ASPH: variants seen among roughly 807,000 people sequenced by gnomAD.
ASPH encodes aspartyl/asparaginyl beta-hydroxylase.
Under a neutral mutation model 118.4 loss-of-function variants are expected in ASPH, and 100 were observed. The ratio of observed to expected loss-of-function variants is 0.84; its 90% CI spans 0.72 to 1.00. The LOEUF (loss-of-function observed/expected upper bound fraction) is 1.00, where lower values mean the gene tolerates loss of function less well. Among genes scored for constraint, ASPH ranks in the 50% least tolerant of loss-of-function variants. The probability of loss-of-function intolerance (pLI) is 0.00; values close to 1 mark genes in which losing one functional copy is unlikely to be tolerated. For synonymous variants in ASPH, 315 were observed against 325.6 expected (o/e 0.97, Z 0.35); for missense variants, 920 against 919.5 (o/e 1.00, Z -0.01).
intron 16 of ASPH, among the ~76,000 whole-genome samples, chr8:61,569,332 G>T (rs932731486): frequency 6.6e-6 from 1 of 152,184 alleles, no homozygotes; most frequent in Non-Finnish European, 1.5e-5. Context: ...GAGGAAAAAT[G>T]ATTCTGGCTA....
intron 14 of ASPH, among the ~76,000 whole-genome samples, chr8:61,608,681 G>C (rs1846335703): frequency 6.6e-6 from 1 of 152,166 alleles, no homozygotes; most frequent in Non-Finnish European, 1.5e-5. Flanking sequence ...ACACAGACCA[G>C]ACTGACTAGG....
At chr8:61,555,593 T>G (rs1350370983) in intron 19 of ASPH, among the ~76,000 whole-genome samples, 1 of 152,184 alleles carries the variant, frequency 6.6e-6, no homozygotes, top group Non-Finnish European at 1.5e-5. Flanking sequence ...ACACCCGGCC[T>G]ATTGTCTTTA....
intron 15 of ASPH, among the ~76,000 whole-genome samples, chr8:61,581,155 G>A (rs558513816): frequency 1.3e-5 from 2 of 152,334 alleles, no homozygotes; most frequent in Middle Eastern, 3.4e-3. Flanking sequence ...GCAAGACAGA[G>A]GCTCTGTGAC....
At position 61,641,816 on chromosome 8, in the gene ASPH, C is replaced by T. The variant is rs554720342; in HGVS notation, c.790+1072G>A. Among the ~76,000 whole-genome samples the T allele has an allele frequency of 4.6e-5, 7 of 152,280 alleles. No homozygotes were observed. In the East Asian group the frequency reaches 1.3e-3, roughly 29 times the overall value. ...AACCATCTAGAACATAGAAAGTCCT[C>T]CATATCCACCAACTCAATTACGATG... On this transcript the variant is annotated intron_variant, in intron 10 of 24. Coordinates refer to ENST00000379454, the MANE Select transcript of ASPH (RefSeq NM_004318.4).
chr8:61,713,487 G>A (rs1451883585), intron 1 of ASPH, among the ~76,000 whole-genome samples: 1 of 152,164 alleles, frequency 6.6e-6, no homozygotes, highest in African/African-American at 2.4e-5. Flanking sequence ...CCATACACAT[G>A]TGTATTGCAG....
At chr8:61,659,590 T>C (rs180871992) in intron 3 of ASPH, 3 of 152,330 alleles carry the variant, frequency 2.0e-5, no homozygotes, top group East Asian at 1.9e-4. Context: ...CTTGCAGAAA[T>C]TGATTCCTAG....
intron 16 of ASPH, among the ~76,000 whole-genome samples, chr8:61,574,369 A>G (rs1459765770): frequency 6.6e-6 from 1 of 152,252 alleles, no homozygotes; most frequent in Non-Finnish European, 1.5e-5. Context: ...AAGGATTATA[A>G]ATCATTCTAC....
intron 14 of ASPH, among the ~76,000 whole-genome samples, chr8:61,616,780 C>A (rs1232604855): frequency 1.3e-5 from 2 of 152,206 alleles, no homozygotes; most frequent in African/African-American, 4.8e-5. Flanking sequence ...ACCCCTTCTG[C>A]CTACGGCATG....
At position 61,622,846 on chromosome 8, in the gene ASPH, CAG is replaced by C. The variant is rs544777196; in HGVS notation, c.935-3829_935-3828del. Among the ~76,000 whole-genome samples the C allele has an allele frequency of 3.9e-5, 6 of 152,306 alleles. No homozygotes were observed. The South Asian group carries it at 1.2e-3, about 32-fold the overall frequency. Reference sequence around the variant, plus strand: ...AACTCAGCTCCCTGACATGTGCACACAGTACTCCGCAGAGTGGGTGCATTCAA... The same window carrying C: ...AACTCAGCTCCCTGACATGTGCACACTACTCCGCAGAGTGGGTGCATTCAA... On this transcript the variant is annotated intron_variant, in intron 13 of 24. Coordinates refer to ENST00000379454, the MANE Select transcript of ASPH (RefSeq NM_004318.4).
In ASPH at chr8:61,555,896, A is replaced by G. The variant is rs774312957; in HGVS notation, c.1536+28T>C. 2.5e-6 allele frequency: 4 copies of G among 1,591,858 alleles called. No individual in the cohort carries two copies. In the East Asian group the frequency reaches 8.9e-5, roughly 36 times the overall value. On this transcript the variant is annotated intron_variant, in intron 19 of 24. Transcript: ENST00000379454. Reference sequence around the variant, plus strand: ...AATAACTCGAAGGACTTGAAAGATGAAAGGAGAGGAGAAGCAGTGAGCATT... The same window carrying G: ...AATAACTCGAAGGACTTGAAAGATGGAAGGAGAGGAGAAGCAGTGAGCATT...
At chr8:61,512,939 G>A (rs1332385563) in intron 24 of ASPH, among the ~76,000 whole-genome samples, 1 of 152,146 alleles carries the variant, frequency 6.6e-6, no homozygotes, top group African/African-American at 2.4e-5. Flanking sequence ...TGTGAGGGAC[G>A]TGTATCAGTT....
In ASPH at chr8:61,664,060, C is replaced by A. The variant is rs1049909403; in HGVS notation, c.323-10400G>T. ...TTAATAAGGTTAACATTAAGAGAATCAAAAATGCTACCACAGAGATTTTAT... is the reference window on the plus strand; with the variant it reads ...TTAATAAGGTTAACATTAAGAGAATAAAAAATGCTACCACAGAGATTTTAT... On this transcript the variant is annotated intron_variant, in intron 3 of 24. Transcript: ENST00000379454. 3 of 969,908 alleles carry A rather than the reference C, an allele frequency of 3.1e-6. No individual in the cohort carries two copies. In the African/African-American group the frequency reaches 5.3e-5, roughly 17 times the overall value. The allele number at this position is 969,908 out of a possible 1,614,324, so 60.1% of individuals were successfully genotyped here.
At chr8:61,653,746 TTTAA>T in intron 3 of ASPH, 86 bp from the exon 4 acceptor site, 1 of 1,331,974 alleles carries the variant, frequency 7.5e-7, no homozygotes, top group South Asian at 1.4e-5. Context: ...TTTTCAAACA[TTTAA>T]TTAATAGTGC....
chr8:61,608,917 G>A (rs1416016441), intron 14 of ASPH, among the ~76,000 whole-genome samples: 2 of 152,210 alleles, frequency 1.3e-5, no homozygotes, highest in African/African-American at 2.4e-5. Context: ...AGCTGGGTTA[G>A]ACGAGCAGGC....
chr8:61,525,356 G>GCACACACA (rs575416248), intron 22 of ASPH, among the ~76,000 whole-genome samples: 4 of 143,826 alleles, frequency 2.8e-5, no homozygotes, highest in African/African-American at 1.0e-4. Flanking sequence ...ACACACACAC[G>GCACACACA]CACACACACA....
intron 2 of ASPH, among the ~76,000 whole-genome samples, chr8:61,681,255 C>A (rs1223169847): frequency 3.3e-5 from 5 of 151,672 alleles, no homozygotes; most frequent in African/African-American, 1.2e-4. Flanking sequence ...CTAATAAATG[C>A]TATGAAATAA....
chr8:61,557,776 T>A (rs1828415125), intron 18 of ASPH, among the ~76,000 whole-genome samples: 1 of 152,192 alleles, frequency 6.6e-6, no homozygotes, highest in Admixed American at 6.5e-5. Context: ...TAACTAGACC[T>A]CTGAAAGCCC....
At chr8:61,627,094 A>G (rs905463848) in intron 13 of ASPH, among the ~76,000 whole-genome samples, 2 of 152,204 alleles carry the variant, frequency 1.3e-5, no homozygotes, top group Non-Finnish European at 1.5e-5. Flanking sequence ...ACAACTAGAC[A>G]TTCTATATAT....
At chr8:61,582,983 G>T (rs888404456) in intron 15 of ASPH, 3 of 152,084 alleles carry the variant, frequency 2.0e-5, no homozygotes, top group Non-Finnish European at 2.9e-5. Flanking sequence ...CAAGGTAAGG[G>T]AACGAATAAC....
Sources: allele counts gnomAD v4.1 joint callset (sites outside exome capture counted in the v4.1 genomes callset), GRCh38; gene constraint gnomAD v4.1.1; transcripts MANE v1.5; gene names NCBI Gene and HGNC (gene_info 2026-07-23, HGNC 2026-07-21).